FBXW11: variants seen among roughly 807,000 people sequenced by gnomAD.
FBXW11 encodes F-box/WD repeat-containing protein 11.
A neutral mutation model predicts 77.6 loss-of-function variants in FBXW11; 19 were observed. The observed-to-expected ratio is 0.24, with a 90% CI of 0.17 to 0.36. The LOEUF (loss-of-function observed/expected upper bound fraction) is 0.36, where lower values mean the gene tolerates loss of function less well. Ranked by LOEUF, FBXW11 falls within the 10% of genes least tolerant of loss-of-function variation. FBXW11 has a pLI of 1.00. For synonymous variants in FBXW11, 235 were observed against 249.4 expected, an observed-to-expected ratio of 0.94 and a Z score of 0.54; for missense variants, 334 against 704.2, an observed-to-expected ratio of 0.47 and a Z score of 5.95.
At chr5:171,990,363 G>A (rs894425429) in intron 1 of FBXW11, among the ~76,000 whole-genome samples, 42 of 152,148 alleles carry the variant, frequency 2.8e-4, no homozygotes, top group African/African-American at 1.0e-3. Context: ...GTAATACCAT[G>A]AGACTGTCAG....
At chr5:171,990,409 T>C (rs1765672486) in intron 1 of FBXW11, among the ~76,000 whole-genome samples, 1 of 152,088 alleles carries the variant, frequency 6.6e-6, no homozygotes, top group African/African-American at 2.4e-5. Flanking sequence ...TCTGTGAGAG[T>C]ATAAATTGCT....
chr5:171,918,038 T>A (rs930665082), intron 2 of FBXW11, among the ~76,000 whole-genome samples: 11 of 152,030 alleles, frequency 7.2e-5, no homozygotes, highest in African/African-American at 2.7e-4. Context: ...CAGCCTGGCG[T>A]AATTCCTTCC....
At position 171,996,926 on chromosome 5, in the gene FBXW11, G is replaced by T; in HGVS notation, c.45+9532C>A. The T allele has an allele frequency of 2.3e-6, 3 of 1,289,670 alleles. No homozygotes were observed. The South Asian group carries it at 3.7e-5, about 16-fold the overall frequency. 79.9% of individuals were successfully genotyped at this position (1,289,670 alleles called of 1,614,324 possible). A position where few individuals can be genotyped will look rare whatever the true frequency, so the allele number is the denominator to read the frequency against. ...TTTGTACTTCAGATCCACCAATCCA[G>T]AATGAATGGGGGTTTTCCCTTTCAG... On this transcript the variant is annotated intron_variant, in intron 1 of 13. Transcript: ENST00000517395.
intron 2 of FBXW11, among the ~76,000 whole-genome samples, chr5:171,924,213 C>T (rs999867097): frequency 2.0e-5 from 3 of 152,028 alleles, no homozygotes; most frequent in African/African-American, 4.8e-5. Flanking sequence ...TGAGCCACTG[C>T]ACCCAGCCAA....
At chr5:171,947,510 G>A (rs141822284) in intron 2 of FBXW11, among the ~76,000 whole-genome samples, 149 of 151,508 alleles carry the variant, frequency 9.8e-4, no homozygotes, top group African/African-American at 3.1e-3. Context: ...ACCCCAGTCC[G>A]GACAACATAG....
intron 2 of FBXW11, among the ~76,000 whole-genome samples, chr5:171,937,695 G>A (rs567031460): frequency 6.6e-6 from 1 of 152,012 alleles, no homozygotes; most frequent in Non-Finnish European, 1.5e-5. Flanking sequence ...AGGCATGGTG[G>A]CACACGCCTG....
chr5:171,867,696 T>A (rs967753193), intron 13 of FBXW11: 1 of 152,220 alleles, frequency 6.6e-6, no homozygotes, highest in South Asian at 2.1e-4. Flanking sequence ...ATTCTGCACA[T>A]GGACTTTCTT....
chr5:172,000,104 T>G (rs1454596151), intron 1 of FBXW11, among the ~76,000 whole-genome samples: 2 of 152,162 alleles, frequency 1.3e-5, no homozygotes, highest in Non-Finnish European at 2.9e-5. Flanking sequence ...TAACCAAGGG[T>G]AACGAGCACA....
chr5:171,891,406 T>C, intron 7 of FBXW11, 61 bp downstream of exon 7: 5 of 1,442,740 alleles, frequency 3.5e-6, no homozygotes, highest in Non-Finnish European at 4.7e-6. Flanking sequence ...GATTGTCACA[T>C]CTAGTGTCTA....
At chr5:171,930,872 C>T (rs1762156943) in intron 2 of FBXW11, among the ~76,000 whole-genome samples, 2 of 150,858 alleles carry the variant, frequency 1.3e-5, no homozygotes, top group East Asian at 3.9e-4. Flanking sequence ...AAGTCAATCA[C>T]TTTCCTATAT....
chr5:171,993,129 C>T (rs770025102), intron 1 of FBXW11, among the ~76,000 whole-genome samples: 4 of 151,748 alleles, frequency 2.6e-5, no homozygotes, highest in African/African-American at 9.7e-5. Flanking sequence ...GGAAAAACCA[C>T]CATCCCTAAA....
At chr5:171,973,700 T>C (rs977088526) in intron 1 of FBXW11, among the ~76,000 whole-genome samples, 5 of 152,238 alleles carry the variant, frequency 3.3e-5, no homozygotes, top group African/African-American at 9.6e-5. Flanking sequence ...ACTGGTTCAT[T>C]GATTGTAACA....
At chr5:171,999,625 T>C (rs1404632680) in intron 1 of FBXW11, among the ~76,000 whole-genome samples, 2 of 152,074 alleles carry the variant, frequency 1.3e-5, no homozygotes, top group African/African-American at 4.8e-5. Flanking sequence ...TATTGTTAGT[T>C]ACCAAAACTG....
intron 1 of FBXW11, among the ~76,000 whole-genome samples, chr5:171,964,999 T>A (rs1006613023): frequency 1.2e-4 from 18 of 152,050 alleles, no homozygotes; most frequent in African/African-American, 4.1e-4. Flanking sequence ...GGGATATATG[T>A]TAAGGGAAGA....
intron 1 of FBXW11, among the ~76,000 whole-genome samples, chr5:171,970,959 G>A (rs1764494711): frequency 6.6e-6 from 1 of 152,200 alleles, no homozygotes; most frequent in African/African-American, 2.4e-5. Flanking sequence ...GCTGCTTGCT[G>A]CACAGCAAGG....
At chr5:171,960,170 G>A (rs1364284013) in intron 1 of FBXW11, among the ~76,000 whole-genome samples, 4 of 152,320 alleles carry the variant, frequency 2.6e-5, no homozygotes, top group Non-Finnish European at 1.5e-5. Context: ...AAGCCCAGGA[G>A]TTCGAGACCA....
chr5:171,870,091 T>C (rs1025931377), intron 11 of FBXW11, among the ~76,000 whole-genome samples: 39 of 152,208 alleles, frequency 2.6e-4, no homozygotes, highest in Non-Finnish European at 8.8e-5. Context: ...TGATAACCTA[T>C]GTCACCAAAT....
intron 2 of FBXW11, among the ~76,000 whole-genome samples, chr5:171,925,279 A>C (rs1301684287): frequency 1.3e-5 from 2 of 152,200 alleles, no homozygotes; most frequent in East Asian, 3.8e-4. Flanking sequence ...AATAAATCCC[A>C]TACTAAAAGT....
intron 1 of FBXW11, among the ~76,000 whole-genome samples, chr5:171,966,065 C>T (rs920070494): frequency 1.3e-5 from 2 of 152,148 alleles, no homozygotes; most frequent in Admixed American, 1.3e-4. Flanking sequence ...CTAAGGCCTC[C>T]CAATCATGCT....
Sources: allele counts gnomAD v4.1 joint callset (sites outside exome capture counted in the v4.1 genomes callset), GRCh38; gene constraint gnomAD v4.1.1; transcripts MANE v1.5; gene names NCBI Gene and HGNC (gene_info 2026-07-23, HGNC 2026-07-21).